The following CYRIA variants were observed in gnomAD, a reference collection of about 807,000 sequenced individuals.
CYRIA encodes CYFIP-related Rac1 interactor A.
A neutral mutation model predicts 43.9 loss-of-function variants in CYRIA; 15 were observed. The ratio of observed to expected loss-of-function variants is 0.34; its 90% confidence interval spans 0.23 to 0.53. The LOEUF (loss-of-function observed/expected upper bound fraction) is 0.53, where lower values mean the gene tolerates loss of function less well. CYRIA is among the 20% of genes least tolerant of loss of function. The pLI, the probability that CYRIA is intolerant of heterozygous loss-of-function variation, is 0.94. For missense variants in CYRIA, 236 were observed against 394.2 expected, an observed-to-expected ratio of 0.60 and a Z score of 3.40; for synonymous variants, 117 against 136.0, an observed-to-expected ratio of 0.86 and a Z score of 0.97.
chr2:16,593,448 T>C (rs992412532), intron 2 of CYRIA, among the ~76,000 whole-genome samples: 1 of 152,136 alleles, frequency 6.6e-6, no homozygotes, highest in Non-Finnish European at 1.5e-5. Context: ...CTAAGAATTA[T>C]TAAAATTCAG....
intron 1 of CYRIA, among the ~76,000 whole-genome samples, chr2:16,625,247 C>G (rs1024326619): frequency 3.9e-5 from 6 of 152,128 alleles, no homozygotes; most frequent in Non-Finnish European, 7.3e-5. Flanking sequence ...CCCCCAGAGG[C>G]TGGGCTGGTT....
intron 3 of CYRIA, among the ~76,000 whole-genome samples, chr2:16,569,948 A>G (rs1406328799): frequency 6.6e-6 from 1 of 152,014 alleles, no homozygotes. Flanking sequence ...TATACTACTC[A>G]CACTGTTTTG....
chr2:16,626,942 T>C (rs17643633), intron 1 of CYRIA, among the ~76,000 whole-genome samples: 13,345 of 152,288 alleles, frequency 0.088, 790 homozygotes, highest in Non-Finnish European at 0.14. Context: ...TTGCTCATTT[T>C]GAGAGCGGTA....
intron 1 of CYRIA, among the ~76,000 whole-genome samples, chr2:16,632,745 G>A (rs1268007306): frequency 4.6e-5 from 7 of 152,084 alleles, no homozygotes; most frequent in Non-Finnish European, 8.8e-5. Context: ...GCTGGGAGCC[G>A]GCTTATCTAT....
rs73215510 is a variant in CYRIA, at chr2:16,655,970, C to T, written c.-167+9810G>A. 7.6e-3 allele frequency among the ~76,000 whole-genome samples: 1,160 copies of T among 152,080 alleles called. 21 individuals are homozygous for T. The highest frequency in any genetic ancestry group is 0.026 in the African/African-American group (1,061 of 41,464). The stretch of plus-strand genomic sequence containing the variant: ...TTTCTGCCAGTTAATGTCAGAATTG[C>T]CTTTCTTGGTGGTTACCGGTCCTTG... On this transcript the variant is annotated intron_variant, in intron 1 of 11. Coordinates refer to ENST00000381323, the MANE Select transcript of CYRIA (RefSeq NM_030797.4).
At chr2:16,568,289 TA>T (rs1488922764) in intron 3 of CYRIA, among the ~76,000 whole-genome samples, 5 of 146,160 alleles carry the variant, frequency 3.4e-5, no homozygotes, top group Non-Finnish European at 4.5e-5. Context: ...CGTTTTTGGA[TA>T]AGGGGTATTC....
chr2:16,615,693 C>T (rs1216738033), intron 2 of CYRIA, among the ~76,000 whole-genome samples: 2 of 152,220 alleles, frequency 1.3e-5, no homozygotes, highest in Non-Finnish European at 2.9e-5. Flanking sequence ...CAACTCTCCA[C>T]AAAAATATCT....
intron 3 of CYRIA, among the ~76,000 whole-genome samples, chr2:16,586,546 T>C (rs1278027790): frequency 3.9e-5 from 6 of 151,948 alleles, no homozygotes; most frequent in Non-Finnish European, 4.4e-5. Flanking sequence ...AAGCAAGGCA[T>C]CTTTCATTGA....
At chr2:16,637,402 A>T (rs1669530950) in intron 1 of CYRIA, among the ~76,000 whole-genome samples, 1 of 152,110 alleles carries the variant, frequency 6.6e-6, no homozygotes, top group African/African-American at 2.4e-5. Context: ...CTCAAAAGAG[A>T]CACAACAGAG....
At chr2:16,644,413 C>T (rs1669760734) in intron 1 of CYRIA, among the ~76,000 whole-genome samples, 1 of 152,114 alleles carries the variant, frequency 6.6e-6, no homozygotes, top group Non-Finnish European at 1.5e-5. Flanking sequence ...CCTAGTCATA[C>T]TGGAAGACTG....
chr2:16,611,032 C>T lies in CYRIA; in HGVS notation c.-11+12832G>A, dbSNP rs528069015. On this transcript the variant is annotated intron_variant, in intron 2 of 11. Coordinates refer to ENST00000381323, the MANE Select transcript of CYRIA (RefSeq NM_030797.4). ...CAGGTGTTAATCATCAATCCATCCC[C>T]TGTATCTAGCACAGTTCTTAATACA... Among the ~76,000 whole-genome samples the T allele has an allele frequency of 7.9e-4, 120 of 151,288 alleles. 1 individual carries two copies. Among genetic ancestry groups the T allele is most frequent in the African/African-American group, 2.8e-3 (114 of 41,276 alleles).
chr2:16,628,030 G>A (rs925401527), intron 1 of CYRIA, among the ~76,000 whole-genome samples: 5 of 152,180 alleles, frequency 3.3e-5, no homozygotes, highest in East Asian at 3.9e-4. Flanking sequence ...ACACATGCCC[G>A]GGACACCAGG....
rs549728143 is a variant in CYRIA, at chr2:16,589,293, T to TA, written c.-10-1165dup. On this transcript the variant is annotated intron_variant, in intron 2 of 11. Transcript: ENST00000381323. ...ATATTTATGTTGATACAAGGAATTT[T>TA]AAAAAACACACCATTCTAAGCAAGA... 2.8e-3 allele frequency among the ~76,000 whole-genome samples: 419 copies of TA among 152,196 alleles called. 1 individual carries two copies. The highest frequency in any genetic ancestry group is 9.4e-3 in the African/African-American group (392 of 41,520).
At chr2:16,609,763 T>C (rs578153496) in intron 2 of CYRIA, among the ~76,000 whole-genome samples, 2 of 152,140 alleles carry the variant, frequency 1.3e-5, no homozygotes, top group East Asian at 3.9e-4. Context: ...GACTCCCCTG[T>C]CACTTCTCCT....
At chr2:16,648,289 C>T (rs1303900488) in intron 1 of CYRIA, among the ~76,000 whole-genome samples, 1 of 150,142 alleles carries the variant, frequency 6.7e-6, no homozygotes, top group Non-Finnish European at 1.5e-5. Context: ...GCTACCATTG[C>T]TCCCAGGAAG....
At chr2:16,590,435 C>G (rs759273406) in intron 2 of CYRIA, among the ~76,000 whole-genome samples, 2 of 152,110 alleles carry the variant, frequency 1.3e-5, no homozygotes, top group Non-Finnish European at 2.9e-5. Flanking sequence ...TTGATGGAAG[C>G]TAAATATTCT....
At chr2:16,630,868 C>T (rs920769785) in intron 1 of CYRIA, among the ~76,000 whole-genome samples, 2 of 152,206 alleles carry the variant, frequency 1.3e-5, no homozygotes, top group Non-Finnish European at 2.9e-5. Context: ...GTAAGGGGCA[C>T]ACCTTAAGCA....
At chr2:16,607,890 C>T (rs1668463746) in intron 2 of CYRIA, among the ~76,000 whole-genome samples, 1 of 152,150 alleles carries the variant, frequency 6.6e-6, no homozygotes, top group Admixed American at 6.5e-5. Flanking sequence ...AGCCAGAGTG[C>T]CCGGTCCTTG....
chr2:16,633,822 G>A (rs772858007), intron 1 of CYRIA, among the ~76,000 whole-genome samples: 3 of 152,064 alleles, frequency 2.0e-5, no homozygotes, highest in Non-Finnish European at 2.9e-5. Context: ...AACCCTTCAA[G>A]TATTTCCTAC....
Sources: gnomAD v4.1 joint callset for allele counts (sites outside exome capture counted in the v4.1 genomes callset) on GRCh38, gnomAD v4.1.1 for gene constraint, MANE v1.5 for transcripts, NCBI Gene and HGNC (gene_info 2026-07-23, HGNC 2026-07-21) for gene names.